Variants in OTUD7B observed in about 807,000 individuals in gnomAD.
OTUD7B encodes the protein OTU domain-containing protein 7B.
OTUD7B carries 34 observed loss-of-function variants against 82.2 expected under a neutral mutation model. The ratio of observed to expected loss-of-function variants is 0.41; its 90% CI spans 0.31 to 0.55. The LOEUF (loss-of-function observed/expected upper bound fraction) is 0.55, where lower values mean the gene tolerates loss of function less well. OTUD7B is among the 20% of genes least tolerant of loss of function. The pLI is 0.20. For synonymous variants in OTUD7B, 398 were observed against 402.7 expected (o/e 0.99, Z 0.14); for missense variants, 944 against 1,062.1 (o/e 0.89, Z 1.55).
intron 1 of OTUD7B, among the ~76,000 whole-genome samples, chr1:150,009,354 C>A (rs1652874586): frequency 6.6e-6 from 1 of 152,174 alleles, no homozygotes; most frequent in Non-Finnish European, 1.5e-5. Context: ...TCTACTCTGT[C>A]CTTTTCCACC....
At chr1:149,958,463 G>A (rs1648883834) in intron 7 of OTUD7B, among the ~76,000 whole-genome samples, 1 of 150,674 alleles carries the variant, frequency 6.6e-6, no homozygotes, top group African/African-American at 2.4e-5. Context: ...GAGTAGCTGG[G>A]ATTACAGCCG....
At chr1:149,981,215 C>T (rs1650709875) in intron 1 of OTUD7B, among the ~76,000 whole-genome samples, 2 of 151,994 alleles carry the variant, frequency 1.3e-5, no homozygotes, top group South Asian at 4.1e-4. Context: ...GTAAAGACAG[C>T]TCTCACCTGG....
chr1:150,063,795 T>C, the OTUD7B span, among the ~76,000 whole-genome samples: 2 of 152,230 alleles, frequency 1.3e-5, no homozygotes, highest in African/African-American at 4.8e-5. Flanking sequence ...GCTCAGCACA[T>C]CACAGTTGGT....
At chr1:150,014,626 G>A (rs1020775950), upstream of OTUD7B, among the ~76,000 whole-genome samples, 6 of 152,024 alleles carry the variant, frequency 3.9e-5, no homozygotes, top group Admixed American at 2.6e-4. Context: ...TCTTACAATG[G>A]AGTACAAATT....
chr1:149,943,658 G>A lies in OTUD7B; in HGVS notation c.*199C>T, dbSNP rs1647430056. The A allele has an allele frequency of 1.6e-6, 1 of 609,766 alleles. No homozygotes were observed. The highest frequency in any genetic ancestry group is 2.9e-6 in the Non-Finnish European group (1 of 342,648). 37.8% of individuals were successfully genotyped at this position (609,766 alleles called of 1,614,324 possible). A position where few individuals can be genotyped will look rare whatever the true frequency, so the allele number is the denominator to read the frequency against. ...TCAAGCTCTGCAGAGGAATAGTACAGCCCCTGAGGTGCCATCCAGCCCCGA... is the reference window on the plus strand; with the variant it reads ...TCAAGCTCTGCAGAGGAATAGTACAACCCCTGAGGTGCCATCCAGCCCCGA... On this transcript the variant is annotated 3_prime_UTR_variant, in exon 12 of 12. Coordinates refer to ENST00000581312, the MANE Select transcript of OTUD7B (RefSeq NM_020205.4).
At chr1:149,969,570 C>T (rs1275144720) in intron 3 of OTUD7B, among the ~76,000 whole-genome samples, 5 of 152,028 alleles carry the variant, frequency 3.3e-5, no homozygotes, top group Non-Finnish European at 7.4e-5. Context: ...GTCAGGAGAT[C>T]GACACCATCC....
chr1:150,062,816 G>A, the OTUD7B span, among the ~76,000 whole-genome samples: 2 of 138,196 alleles, frequency 1.4e-5, no homozygotes, highest in African/African-American at 5.4e-5. Flanking sequence ...CCGGGTTTAA[G>A]CGATTCTCCT....
At chr1:150,044,881 T>C in the OTUD7B span, among the ~76,000 whole-genome samples, 1 of 115,848 alleles carries the variant, frequency 8.6e-6, no homozygotes, top group African/African-American at 3.4e-5. Context: ...AGCTCTCTGA[T>C]TGTGTGCCTT....
chr1:150,005,094 TC>T (rs1652579233), intron 1 of OTUD7B, among the ~76,000 whole-genome samples: 1 of 152,182 alleles, frequency 6.6e-6, no homozygotes, highest in South Asian at 2.1e-4. Flanking sequence ...AGTACTCCTC[TC>T]CCCAAATACC....
At chr1:150,054,889 G>A in the OTUD7B span, 8 of 203,792 alleles carry the variant, frequency 3.9e-5, no homozygotes, top group East Asian at 1.5e-4. Flanking sequence ...AGAGAAATAC[G>A]AGATTACAGA....
chr1:149,989,023 T>C (rs587722393), intron 1 of OTUD7B, among the ~76,000 whole-genome samples: 157 of 152,284 alleles, frequency 1.0e-3, no homozygotes, highest in Non-Finnish European at 1.7e-3. Context: ...TCACTATAAA[T>C]TACAGAATTT....
chr1:150,041,753 G>A, the OTUD7B span, among the ~76,000 whole-genome samples: 2 of 152,064 alleles, frequency 1.3e-5, no homozygotes, highest in Non-Finnish European at 2.9e-5. Flanking sequence ...CTAATTGAGT[G>A]TGCCTTTTAT....
intron 1 of OTUD7B, among the ~76,000 whole-genome samples, chr1:149,986,422 A>G (rs79890717): frequency 0.011 from 1,707 of 152,318 alleles, 39 homozygotes; most frequent in African/African-American, 0.039. Context: ...TATTAAAATC[A>G]GTCTGCATAT....
intron 3 of OTUD7B, 114 bp downstream of exon 3, chr1:149,970,949 G>T: frequency 1.0e-6 from 1 of 1,002,022 alleles, no homozygotes; most frequent in South Asian, 2.3e-5. Context: ...GGTTTGGCTG[G>T]GAGAAGGGGA....
At chr1:150,061,055 A>AT in the OTUD7B span, among the ~76,000 whole-genome samples, 6 of 152,096 alleles carry the variant, frequency 3.9e-5, no homozygotes, top group African/African-American at 7.2e-5. Context: ...AACAAAAAAA[A>AT]TTTTTTTTGT....
chr1:150,037,082 C>G, the OTUD7B span, among the ~76,000 whole-genome samples: 2 of 152,022 alleles, frequency 1.3e-5, no homozygotes, highest in Admixed American at 1.3e-4. Context: ...AATTTTCAAG[C>G]ATATACGAGA....
intron 1 of OTUD7B, among the ~76,000 whole-genome samples, 165 bp from the exon 2 acceptor site, chr1:149,977,741 T>C (rs1292214563): frequency 6.6e-6 from 1 of 152,210 alleles, no homozygotes; most frequent in African/African-American, 2.4e-5. Context: ...ACATTTTATT[T>C]CCTAACTCTT....
the OTUD7B span, among the ~76,000 whole-genome samples, chr1:150,050,866 C>A: frequency 6.7e-6 from 1 of 149,894 alleles, no homozygotes; most frequent in Admixed American, 6.7e-5. Flanking sequence ...TCTTAATAAA[C>A]AGTTCTATGA....
At chr1:150,040,906 C>T in the OTUD7B span, among the ~76,000 whole-genome samples, 22,725 of 151,898 alleles carry the variant, frequency 0.15, 1,869 homozygotes, top group African/African-American at 0.18. Context: ...GACAGGGTTT[C>T]GCCATGTTGA....
Sources: allele counts gnomAD v4.1 joint callset (sites outside exome capture counted in the v4.1 genomes callset), GRCh38; gene constraint gnomAD v4.1.1; transcripts MANE v1.5; gene names NCBI Gene and HGNC (gene_info 2026-07-23, HGNC 2026-07-21).